Variants in MAP3K5 observed in about 807,000 individuals in gnomAD.
MAP3K5 encodes the protein mitogen-activated protein kinase kinase kinase 5.
In MAP3K5, 56 loss-of-function variants were observed where a neutral mutation model predicts 158.7. The ratio of observed to expected loss-of-function variants is 0.35; its 90% confidence interval spans 0.28 to 0.44. The LOEUF (loss-of-function observed/expected upper bound fraction) is 0.44. MAP3K5 is among the 20% of genes least tolerant of loss of function. The probability of loss-of-function intolerance (pLI) is 1.00; values close to 1 mark genes in which losing one functional copy is unlikely to be tolerated. For synonymous variants in MAP3K5, 579 were observed against 601.7 expected, an observed-to-expected ratio of 0.96 and a Z score of 0.55; for missense variants, 1,294 against 1,674.8, an observed-to-expected ratio of 0.77 and a Z score of 3.97.
intron 1 of MAP3K5, among the ~76,000 whole-genome samples, chr6:136,722,366 T>G (rs974607775): frequency 3.3e-5 from 5 of 152,162 alleles, no homozygotes; most frequent in Non-Finnish European, 5.9e-5. Context: ...ATGTGAGAGA[T>G]GAAAGGTTAA....
chr6:136,778,225 C>T (rs976032371), intron 1 of MAP3K5, among the ~76,000 whole-genome samples: 3 of 151,756 alleles, frequency 2.0e-5, no homozygotes, highest in South Asian at 2.1e-4. Flanking sequence ...AATTTATATA[C>T]GTAATTTTCA....
intron 2 of MAP3K5, among the ~76,000 whole-genome samples, chr6:136,718,252 C>T (rs1338629655): frequency 6.6e-6 from 1 of 152,032 alleles, no homozygotes; most frequent in Non-Finnish European, 1.5e-5. Flanking sequence ...CTGTGTCGCC[C>T]AGGCTGGAGT....
chr6:136,686,529 G>A (rs990889644), intron 7 of MAP3K5, among the ~76,000 whole-genome samples: 3 of 152,026 alleles, frequency 2.0e-5, no homozygotes, highest in Admixed American at 6.6e-5. Context: ...AAACCCCATC[G>A]TCTCAGCCCA....
At chr6:136,751,709 A>G (rs142139302) in intron 1 of MAP3K5, among the ~76,000 whole-genome samples, 1 of 152,362 alleles carries the variant, frequency 6.6e-6, no homozygotes, top group African/African-American at 2.4e-5. Context: ...TCTGGCCCAG[A>G]GTATGATTTG....
chr6:136,708,871 C>A (rs1781186826), intron 2 of MAP3K5, among the ~76,000 whole-genome samples: 1 of 152,166 alleles, frequency 6.6e-6, no homozygotes, highest in African/African-American at 2.4e-5. Flanking sequence ...CATACGCTTG[C>A]AAATATGGCT....
rs1232259402 is a variant in MAP3K5, at chr6:136,634,583, TTTTC to T, written c.2016+2738_2016+2741del. ...TAAGAATGTTTTTCTTATGTTTTTC[TTTTC>T]TTTTTTTTTTGAGACCAAGTCTCAC... is the stretch of plus-strand genomic sequence containing the variant. On this transcript the variant is annotated intron_variant, in intron 14 of 29. Coordinates refer to ENST00000359015, the MANE Select transcript of MAP3K5 (RefSeq NM_005923.4). Among the ~76,000 whole-genome samples the T allele has an allele frequency of 4.2e-3, 640 of 152,100 alleles. 4 individuals are homozygous for T. The highest frequency in any genetic ancestry group is 0.015 in the African/African-American group (611 of 41,426).
intron 23 of MAP3K5, among the ~76,000 whole-genome samples, chr6:136,591,923 G>A (rs549050497): frequency 7.9e-5 from 12 of 152,316 alleles, no homozygotes; most frequent in Admixed American, 2.6e-4. Flanking sequence ...TGTCACCAAT[G>A]TGAAAAATTT....
chr6:136,782,011 T>C (rs1582694900), intron 1 of MAP3K5, among the ~76,000 whole-genome samples: 1 of 150,000 alleles, frequency 6.7e-6, no homozygotes, highest in African/African-American at 2.5e-5. Context: ...AGCCCAGCAG[T>C]TCAAGACCAG....
chr6:136,729,023 T>C (rs902473224), intron 1 of MAP3K5, among the ~76,000 whole-genome samples: 1 of 152,010 alleles, frequency 6.6e-6, no homozygotes, highest in Admixed American at 6.6e-5. Context: ...GGTGCAAAAC[T>C]AAGATGGGTG....
At chr6:136,626,260 G>C (rs1440111994) in intron 14 of MAP3K5, among the ~76,000 whole-genome samples, 1 of 152,192 alleles carries the variant, frequency 6.6e-6, no homozygotes, top group African/African-American at 2.4e-5. Flanking sequence ...CAATGCTAGG[G>C]CTGGAGTGAG....
chr6:136,597,877 A>G (rs1000492952), intron 21 of MAP3K5, among the ~76,000 whole-genome samples: 2 of 152,260 alleles, frequency 1.3e-5, no homozygotes, highest in Non-Finnish European at 1.5e-5. Flanking sequence ...TAACACTGAC[A>G]TTTAAATAAT....
chr6:136,789,067 G>A (rs138857274), intron 1 of MAP3K5, among the ~76,000 whole-genome samples: 4,440 of 152,282 alleles, frequency 0.029, 81 homozygotes, highest in Middle Eastern at 0.051. Flanking sequence ...GGAGGCCAAG[G>A]CAGGAGGACT....
intron 7 of MAP3K5, among the ~76,000 whole-genome samples, chr6:136,693,469 C>A (rs1780474890): frequency 6.6e-6 from 1 of 152,066 alleles, no homozygotes; most frequent in African/African-American, 2.4e-5. Context: ...GAATTAAAAT[C>A]TTTAAAATAT....
chr6:136,604,362 AAAAAG>A (rs1776012309), intron 19 of MAP3K5, among the ~76,000 whole-genome samples: 1 of 152,068 alleles, frequency 6.6e-6, no homozygotes, highest in African/African-American at 2.4e-5. Flanking sequence ...AAAAAGAAAA[AAAAAG>A]AAAAGAAAAA....
chr6:136,714,301 G>A (rs537305345), intron 2 of MAP3K5, among the ~76,000 whole-genome samples: 106 of 152,188 alleles, frequency 7.0e-4, no homozygotes, highest in African/African-American at 2.5e-3. Flanking sequence ...TTTACAAACT[G>A]GTATAATCAT....
intron 1 of MAP3K5, among the ~76,000 whole-genome samples, chr6:136,762,884 T>C (rs1241333526): frequency 6.6e-6 from 1 of 152,244 alleles, no homozygotes; most frequent in Non-Finnish European, 1.5e-5. Context: ...TGCCTTGCCC[T>C]CTTCACAGCT....
At chr6:136,684,142 G>A (rs1562609816) in intron 7 of MAP3K5, among the ~76,000 whole-genome samples, 2 of 152,062 alleles carry the variant, frequency 1.3e-5, no homozygotes, top group South Asian at 2.1e-4. Context: ...GAAGTGGGAG[G>A]ATCACTTGAG....
intron 11 of MAP3K5, among the ~76,000 whole-genome samples, chr6:136,643,648 C>T (rs1778100090): frequency 6.6e-6 from 1 of 152,136 alleles, no homozygotes; most frequent in South Asian, 2.1e-4. Flanking sequence ...AAAAATAGAT[C>T]CTCTCAAGTC....
chr6:136,751,193 A>C (rs968951937), intron 1 of MAP3K5, among the ~76,000 whole-genome samples: 2 of 103,840 alleles, frequency 1.9e-5, no homozygotes, highest in Non-Finnish European at 4.5e-5. Context: ...TTCATTTTTT[A>C]TTAGGTCATC....
Sources: allele counts gnomAD v4.1 joint callset (sites outside exome capture counted in the v4.1 genomes callset), GRCh38; gene constraint gnomAD v4.1.1; transcripts MANE v1.5; gene names NCBI Gene and HGNC (gene_info 2026-07-23, HGNC 2026-07-21).